NXPE2: variants seen among roughly 807,000 people sequenced by gnomAD.
The protein encoded by NXPE2 is NXPE family member 2.
NXPE2 carries 34 observed loss-of-function variants against 34.4 expected under a neutral mutation model. The ratio of observed to expected loss-of-function variants is 0.99; its 90% CI spans 0.75 to 1.31. The LOEUF (loss-of-function observed/expected upper bound fraction) is 1.31. Ranked by LOEUF, NXPE2 falls within the 40% of genes most tolerant of loss-of-function variation. The probability of loss-of-function intolerance (pLI) is 0.00; values close to 1 mark genes in which losing one functional copy is unlikely to be tolerated. For synonymous variants in NXPE2, 235 were observed against 231.3 expected, an observed-to-expected ratio of 1.02 and a Z score of -0.15; for missense variants, 649 against 672.5, an observed-to-expected ratio of 0.97 and a Z score of 0.39.
the NXPE2 span, among the ~76,000 whole-genome samples, chr11:114,806,454 A>G: frequency 1.4e-5 from 2 of 145,736 alleles, no homozygotes; most frequent in African/African-American, 2.5e-5. Context: ...TGAAAAAAAA[A>G]TTAGACAAAT....
the NXPE2 span, among the ~76,000 whole-genome samples, chr11:114,772,757 C>T: frequency 2.0e-5 from 3 of 152,118 alleles, no homozygotes; most frequent in Admixed American, 6.5e-5. Context: ...TTCTACCCTG[C>T]CCCACTGATG....
At chr11:114,621,793 GATA>G in the NXPE2 span, among the ~76,000 whole-genome samples, 2 of 151,970 alleles carry the variant, frequency 1.3e-5, no homozygotes, top group African/African-American at 2.4e-5. Flanking sequence ...TTACCCACTG[GATA>G]ATAATTATTG....
At position 114,705,797 on chromosome 11, in the gene NXPE2, A is replaced by G. The variant is rs767365027; in HGVS notation, c.945A>G (p.Lys315=). The G allele has an allele frequency of 4.0e-6, 6 of 1,489,354 alleles. No homozygotes were observed. The South Asian group carries it at 6.8e-5, about 17-fold the overall frequency. The allele number at this position is 1,489,354 out of a possible 1,614,324, so 92.3% of individuals were successfully genotyped here. Residue 315 remains lysine, a synonymous_variant, in exon 5 of 6, where the codon AAA becomes AAG. Coordinates refer to ENST00000389586, the MANE Select transcript of NXPE2 (RefSeq NM_182495.6). ...VIPCNKSENI[K]KNCQIGMKTP... ...TATTGCCAGAGAGCGAGAACATAAAAAAGAACTGCCAGATTGGAATGAAGA... is the reference window on the plus strand; with the variant it reads ...TATTGCCAGAGAGCGAGAACATAAAGAAGAACTGCCAGATTGGAATGAAGA...
chr11:114,742,527 G>T, the NXPE2 span, among the ~76,000 whole-genome samples: 1 of 152,100 alleles, frequency 6.6e-6, no homozygotes, highest in African/African-American at 2.4e-5. Context: ...ACCTAACGGG[G>T]TCTCTTTTTG....
the NXPE2 span, among the ~76,000 whole-genome samples, chr11:114,550,855 A>G: frequency 4.1e-4 from 63 of 152,318 alleles, no homozygotes; most frequent in Non-Finnish European, 7.8e-4. Context: ...AGCTTTAACA[A>G]GGGCCATTTT....
the NXPE2 span, among the ~76,000 whole-genome samples, chr11:114,479,065 G>A: frequency 0.25 from 38,561 of 152,080 alleles, 5,028 homozygotes; most frequent in East Asian, 0.37. Context: ...AAGTTATGGA[G>A]GGCCTGCAAA....
At chr11:114,703,899 T>C in intron 3 of NXPE2, 92 bp from the exon 4 acceptor site, 1 of 888,306 alleles carries the variant, frequency 1.1e-6, no homozygotes, top group Non-Finnish European at 1.8e-6. Flanking sequence ...GAAAGGCATT[T>C]GGAGAAGAGA....
chr11:114,465,646 T>C, the NXPE2 span, among the ~76,000 whole-genome samples: 1 of 152,142 alleles, frequency 6.6e-6, no homozygotes, highest in Non-Finnish European at 1.5e-5. Flanking sequence ...TCTTTATCCT[T>C]TAAAATACAC....
chr11:114,551,504 C>A, the NXPE2 span: 1 of 724,914 alleles, frequency 1.4e-6, no homozygotes, highest in African/African-American at 1.9e-5. Context: ...TTCTTAGTTA[C>A]AAGACATAAC....
the NXPE2 span, among the ~76,000 whole-genome samples, chr11:114,474,542 T>C: frequency 6.6e-6 from 1 of 152,216 alleles, no homozygotes; most frequent in Non-Finnish European, 1.5e-5. Flanking sequence ...CTTACAGTTA[T>C]CATTGGATTT....
At chr11:114,635,154 T>A in the NXPE2 span, among the ~76,000 whole-genome samples, 9 of 151,104 alleles carry the variant, frequency 6.0e-5, no homozygotes, top group African/African-American at 2.2e-4. Context: ...CAGTGGTTTG[T>A]AGTTCTCCTT....
At chr11:114,601,722 AAT>A in the NXPE2 span, among the ~76,000 whole-genome samples, 3 of 72,434 alleles carry the variant, frequency 4.1e-5, no homozygotes, top group African/African-American at 5.8e-5. Context: ...TATATATTAT[AAT>A]TATATATTAT....
chr11:114,705,736 T>C, intron 4 of NXPE2, 45 bp from the exon 5 acceptor site: 1 of 1,186,710 alleles, frequency 8.4e-7, no homozygotes, highest in Non-Finnish European at 1.1e-6. Flanking sequence ...TCCAAAATAA[T>C]TTGTGGTAAT....
the NXPE2 span, among the ~76,000 whole-genome samples, chr11:114,608,098 G>A: frequency 4.7e-4 from 71 of 151,860 alleles, no homozygotes; most frequent in East Asian, 1.6e-3. Context: ...GTGTTGCCTC[G>A]TGGGTAACCA....
downstream of NXPE2, among the ~76,000 whole-genome samples, chr11:114,709,953 A>G (rs1467916334): frequency 6.6e-6 from 1 of 152,104 alleles, no homozygotes; most frequent in Non-Finnish European, 1.5e-5. Context: ...AGAAAATAGG[A>G]AAATCCATAA....
the NXPE2 span, among the ~76,000 whole-genome samples, chr11:114,649,441 A>AGG: frequency 6.6e-6 from 1 of 152,240 alleles, no homozygotes; most frequent in Non-Finnish European, 1.5e-5. Context: ...AGCATATGGA[A>AGG]GGACCTCACA....
At chr11:114,608,942 C>T in the NXPE2 span, among the ~76,000 whole-genome samples, 2 of 149,930 alleles carry the variant, frequency 1.3e-5, no homozygotes. Flanking sequence ...TCGTGGGTAA[C>T]CACTGTTACC....
chr11:114,496,883 T>C, the NXPE2 span, among the ~76,000 whole-genome samples: 1 of 152,236 alleles, frequency 6.6e-6, no homozygotes, highest in Non-Finnish European at 1.5e-5. Flanking sequence ...GTGCTGATGC[T>C]GGTGTAAACA....
the NXPE2 span, among the ~76,000 whole-genome samples, chr11:114,468,006 G>A: frequency 0.29 from 44,069 of 151,598 alleles, 6,666 homozygotes; most frequent in East Asian, 0.37. Flanking sequence ...TTATGGGAGA[G>A]CCTGATGATA....
Sources: gnomAD v4.1 joint callset for allele counts (sites outside exome capture counted in the v4.1 genomes callset) on GRCh38, gnomAD v4.1.1 for gene constraint, MANE v1.5 for transcripts, NCBI Gene and HGNC (gene_info 2026-07-23, HGNC 2026-07-21) for gene names.